The following PDE4B variants were observed in gnomAD, a reference collection of about 807,000 sequenced individuals.
PDE4B encodes the protein 3',5'-cyclic-AMP phosphodiesterase 4B.
In PDE4B, 20 loss-of-function variants were observed where a neutral mutation model predicts 82.2. The observed-to-expected ratio is 0.24, with a 90% CI of 0.17 to 0.35. PDE4B has a LOEUF of 0.35. Ranked by LOEUF, PDE4B falls within the 10% of genes least tolerant of loss-of-function variation. The probability of loss-of-function intolerance (pLI) is 1.00; values close to 1 mark genes in which losing one functional copy is unlikely to be tolerated. For synonymous variants in PDE4B, 320 were observed against 318.9 expected, an observed-to-expected ratio of 1.00 and a Z score of -0.04; for missense variants, 655 against 907.2, an observed-to-expected ratio of 0.72 and a Z score of 3.57.
chr1:66,327,573 G>T (rs544687612), intron 7 of PDE4B, among the ~76,000 whole-genome samples: 2 of 152,208 alleles, frequency 1.3e-5, no homozygotes, highest in South Asian at 4.1e-4. Flanking sequence ...GTCCATTTTT[G>T]TGTTTATTCT....
At chr1:66,092,339 T>C (rs1467632227) in intron 3 of PDE4B, among the ~76,000 whole-genome samples, 1 of 152,028 alleles carries the variant, frequency 6.6e-6, no homozygotes, top group Non-Finnish European at 1.5e-5. Flanking sequence ...TCCTACAGCA[T>C]ACAGTATATA....
In PDE4B at chr1:65,840,931, A is replaced by G. The variant is rs1341574528; in HGVS notation, c.-71+47683A>G. On this transcript the variant is annotated intron_variant, in intron 1 of 16. Transcript: ENST00000341517. ...GGGCTTCTCAGAAATTTTGTAAATG[A>G]AACAGAATACAGGTGTAGGGTATTT... 6.6e-5 allele frequency among the ~76,000 whole-genome samples: 10 copies of G among 152,320 alleles called. No individual in the cohort carries two copies. In the East Asian group the frequency reaches 1.9e-3, roughly 29 times the overall value.
intron 3 of PDE4B, among the ~76,000 whole-genome samples, chr1:65,951,689 G>A (rs1376173470): frequency 2.6e-5 from 4 of 152,070 alleles, no homozygotes; most frequent in Non-Finnish European, 5.9e-5. Flanking sequence ...AAAAATCCAT[G>A]CGGAAATGAG....
chr1:66,143,900 T>C, intron 3 of PDE4B, among the ~76,000 whole-genome samples: 1 of 152,190 alleles, frequency 6.6e-6, no homozygotes, highest in Non-Finnish European at 1.5e-5. Flanking sequence ...GTGCTAAGGA[T>C]CCTAGAGCAG....
intron 3 of PDE4B, among the ~76,000 whole-genome samples, chr1:66,239,876 G>C (rs1557653799): frequency 6.6e-6 from 1 of 152,180 alleles, no homozygotes; most frequent in Non-Finnish European, 1.5e-5. Context: ...CAATCAATAA[G>C]TAAAATAATT....
At chr1:66,334,805 A>T (rs1175624328) in intron 8 of PDE4B, among the ~76,000 whole-genome samples, 1 of 152,222 alleles carries the variant, frequency 6.6e-6, no homozygotes, top group African/African-American at 2.4e-5. Context: ...ACCATGACAC[A>T]TATGATATAA....
chr1:65,895,227 T>C lies in PDE4B; in HGVS notation c.-70-18018T>C, dbSNP rs909256457. 1.1e-4 allele frequency among the ~76,000 whole-genome samples: 16 copies of C among 152,086 alleles called. 1 individual carries two copies. Among genetic ancestry groups the C allele is most frequent in the Admixed American group, 9.8e-4 (15 of 15,254 alleles). On this transcript the variant is annotated intron_variant, in intron 1 of 16. Coordinates refer to ENST00000341517, the MANE Select transcript of PDE4B (RefSeq NM_002600.4). Reference sequence around the variant, plus strand: ...TCAGCTTAAAGTAGGTGAGTTTCAATACCATTTTTACTTCAGGTATGCTGA... The same window carrying C: ...TCAGCTTAAAGTAGGTGAGTTTCAACACCATTTTTACTTCAGGTATGCTGA...
intron 7 of PDE4B, chr1:66,331,964 C>T: frequency 9.9e-6 from 10 of 1,011,400 alleles, no homozygotes; most frequent in Non-Finnish European, 1.2e-5. Flanking sequence ...GAACACAATC[C>T]TCAGGATGAA....
intron 7 of PDE4B, among the ~76,000 whole-genome samples, chr1:66,285,081 G>A (rs494880): frequency 0.064 from 9,737 of 152,124 alleles, 993 homozygotes; most frequent in African/African-American, 0.22. Context: ...ATGAAATTAC[G>A]ACAAGAGCAA....
intron 3 of PDE4B, among the ~76,000 whole-genome samples, chr1:66,148,599 A>T (rs896509098): frequency 6.6e-6 from 1 of 152,298 alleles, no homozygotes; most frequent in South Asian, 2.1e-4. Flanking sequence ...TAAGTTTAAA[A>T]TTTTTGGGTA....
chr1:66,032,851 T>C (rs1653864376), intron 3 of PDE4B, among the ~76,000 whole-genome samples: 1 of 151,958 alleles, frequency 6.6e-6, no homozygotes, highest in Non-Finnish European at 1.5e-5. Flanking sequence ...AGACGGGGTT[T>C]CACCGTGTCA....
intron 3 of PDE4B, among the ~76,000 whole-genome samples, chr1:66,244,540 C>A (rs1653147327): frequency 6.6e-6 from 1 of 152,158 alleles, no homozygotes; most frequent in African/African-American, 2.4e-5. Flanking sequence ...CTTCCCTTTG[C>A]CCACACCCCT....
intron 7 of PDE4B, among the ~76,000 whole-genome samples, chr1:66,286,516 C>T (rs1570626233): frequency 6.6e-6 from 1 of 152,162 alleles, no homozygotes; most frequent in Admixed American, 6.6e-5. Context: ...AATAAATCCA[C>T]ATTCCCCAAA....
In PDE4B at chr1:66,323,820, C is replaced by T. The variant is rs546115011; in HGVS notation, c.635-8688C>T. Reference sequence around the variant, plus strand: ...AATATGAACCAAGGCAGTCTAACCCCAGAGACCAAGCTTTTAATCACTGCT... The same window carrying T: ...AATATGAACCAAGGCAGTCTAACCCTAGAGACCAAGCTTTTAATCACTGCT... On this transcript the variant is annotated intron_variant, in intron 7 of 16. Coordinates refer to ENST00000341517, the MANE Select transcript of PDE4B (RefSeq NM_002600.4). Among the ~76,000 whole-genome samples the T allele has an allele frequency of 2.6e-5, 4 of 152,234 alleles. No homozygotes were observed. The South Asian group carries it at 6.2e-4, about 24-fold the overall frequency.
At chr1:65,994,964 T>A (rs1557484053) in intron 3 of PDE4B, among the ~76,000 whole-genome samples, 1 of 152,232 alleles carries the variant, frequency 6.6e-6, no homozygotes, top group East Asian at 1.9e-4. Flanking sequence ...TACTCATGCA[T>A]TATACAAATT....
chr1:65,827,719 GA>G (rs1055208537), intron 1 of PDE4B, among the ~76,000 whole-genome samples: 26 of 151,938 alleles, frequency 1.7e-4, no homozygotes, highest in African/African-American at 6.3e-4. Context: ...AAACTAGTCA[GA>G]AAAAAATATT....
intron 3 of PDE4B, among the ~76,000 whole-genome samples, chr1:66,187,171 C>G (rs1328529730): frequency 1.3e-5 from 2 of 152,060 alleles, no homozygotes; most frequent in African/African-American, 2.4e-5. Context: ...CCTTGCATCC[C>G]AGGGATGAAG....
At chr1:66,325,966 C>T (rs909772324) in intron 7 of PDE4B, among the ~76,000 whole-genome samples, 1 of 152,152 alleles carries the variant, frequency 6.6e-6, no homozygotes, top group African/African-American at 2.4e-5. Flanking sequence ...GGGCACATTG[C>T]TATTAAATGG....
intron 3 of PDE4B, among the ~76,000 whole-genome samples, chr1:66,065,057 G>A (rs369282738): frequency 1.3e-5 from 2 of 151,618 alleles, no homozygotes; most frequent in African/African-American, 2.4e-5. Context: ...AGATTTCTGC[G>A]TCAAACTTTT....
Sources: gnomAD v4.1 joint callset for allele counts (sites outside exome capture counted in the v4.1 genomes callset) on GRCh38, gnomAD v4.1.1 for gene constraint, MANE v1.5 for transcripts, NCBI Gene and HGNC (gene_info 2026-07-23, HGNC 2026-07-21) for gene names.